Variants in MUC17 observed in about 807,000 individuals in gnomAD.
MUC17 encodes the protein mucin-17.
In MUC17, 190 loss-of-function variants were observed where a neutral mutation model predicts 170.3. The ratio of observed to expected loss-of-function variants is 1.12; its 90% confidence interval spans 0.99 to 1.26. The LOEUF is 1.26. Among genes scored for constraint, MUC17 ranks in the 50% most tolerant of loss-of-function variants. The pLI is 0.00. For missense variants in MUC17, 6,415 were observed against 5,530.0 expected (o/e 1.16, Z -5.08); for synonymous variants, 2,325 against 2,002.5 (o/e 1.16, Z -4.30).
intron 3 of MUC17, among the ~76,000 whole-genome samples, chr7:101,047,617 G>C (rs1417805920): frequency 6.6e-6 from 1 of 152,110 alleles, no homozygotes; most frequent in African/African-American, 2.4e-5. Flanking sequence ...ATCACCTGAG[G>C]TCAGGAGTTT....
At chr7:101,052,500 G>A (rs897382437) in intron 9 of MUC17, among the ~76,000 whole-genome samples, 1 of 152,176 alleles carries the variant, frequency 6.6e-6, no homozygotes, top group African/African-American at 2.4e-5. Context: ...CCTGGAAGAG[G>A]GGGTCACAAG....
rs1395693681 is a variant in MUC17 at position 101,038,476 on chromosome 7, G to T, written c.7060G>T (p.Glu2354Ter). 1.9e-6 allele frequency: 3 copies of T among 1,604,156 alleles called. No individual in the cohort carries two copies. The East Asian group carries it at 6.9e-5, about 37-fold the overall frequency. The change falls in exon 3 of 13, where the codon GAA (glutamate) becomes TAA (stop). Residue 2354 changes from glutamate (E) to a stop codon, truncating the protein, a stop_gained. Transcript: ENST00000306151. LOFTEE classifies it high-confidence loss of function. ...CAGCACCACAATGGTGGCCAGTTTT[G>T]AAACAAGCACACTTTCTACAACTCC... ...PVSTTMVASFETSTLSTTPAD... is the reference protein window; with the variant it reads ...PVSTTMVASF
chr7:101,039,226 C>T lies in MUC17; in HGVS notation c.7810C>T (p.Pro2604Ser). ...LSTTPVDTSI[P>S]VTTSTETSSS... ...AACAACTCCTGTTGACACCAGCATA[C>T]CTGTCACCACTTCTACTGAAACCAG... The change falls in exon 3 of 13, where the codon CCT becomes TCT. Residue 2604 changes from proline (P) to serine (S), a missense_variant. Coordinates refer to ENST00000306151, the MANE Select transcript of MUC17 (RefSeq NM_001040105.2). 6.2e-7 allele frequency: 1 copy of T among 1,613,632 alleles called. No homozygotes were observed. Among genetic ancestry groups the T allele is most frequent in the African/African-American group, 1.3e-5 (1 of 75,006 alleles).
chr7:101,050,683 G>T, intron 7 of MUC17, 48 bp downstream of exon 7: 1 of 1,592,110 alleles, frequency 6.3e-7, no homozygotes, highest in Non-Finnish European at 8.5e-7. Flanking sequence ...ATCAGAGCTG[G>T]GGCATGACTT....
chr7:101,037,467 C>A lies in MUC17; in HGVS notation c.6051C>A (p.Thr2017=). ...TTPVDTSTPA[T]TSTEGSSSPT... is the part of the protein sequence containing the mutation. Reference sequence around the variant, plus strand: ...CTGTTGACACCAGCACTCCTGCCACCACTTCTACTGAAGGCAGTTCATCTC... The same window carrying A: ...CTGTTGACACCAGCACTCCTGCCACAACTTCTACTGAAGGCAGTTCATCTC... The change falls in exon 3 of 13, where the codon ACC becomes ACA. Residue 2017 remains threonine (T), a synonymous_variant. Transcript: ENST00000306151. 6.2e-7 allele frequency: 1 copy of A among 1,612,076 alleles called. No individual in the cohort carries two copies. Among genetic ancestry groups the A allele is most frequent in the Non-Finnish European group, 8.5e-7 (1 of 1,178,876 alleles).
intron 9 of MUC17, 137 bp from the exon 10 acceptor site, chr7:101,052,849 G>A (rs994376314): frequency 3.2e-5 from 30 of 944,222 alleles, no homozygotes; most frequent in Middle Eastern, 3.4e-4. Context: ...TCATCCCCTC[G>A]GGGTGCCTTG....
In MUC17 at chr7:101,034,333, A is replaced by G; in HGVS notation, c.2917A>G (p.Ile973Val). Residue 973 changes from isoleucine (I) to valine (V), a missense_variant, in exon 3 of 13, where the codon ATA becomes GTA. Ile to Val is a conservative substitution (Grantham distance 29). Transcript: ENST00000306151. ...TCCTACAACTGCTGAAGGTACCAGC[A>G]TACCAACCTCGACTCCTAGTGAAGG... The part of the protein sequence containing the change: ...SSPTTAEGTS[I>V]PTSTPSEGTT... 6 of 1,608,840 alleles carry G rather than the reference A, an allele frequency of 3.7e-6. No homozygotes were observed. Among genetic ancestry groups the G allele is most frequent in the African/African-American group, 1.3e-5 (1 of 74,634 alleles).
In MUC17 at chr7:101,032,807, T is replaced by G; in HGVS notation, c.1391T>G (p.Val464Gly). Reference sequence around the variant, plus strand: ...AGTATGCCTGTCAGCACCACTCCAGTGGCCAGTTCTGAGGCTAGCAACCTT... The same window carrying G: ...AGTATGCCTGTCAGCACCACTCCAGGGGCCAGTTCTGAGGCTAGCAACCTT... ...LTSMPVSTTP[V>G]ASSEASNLST... The change falls in exon 3 of 13, where the codon GTG becomes GGG. Residue 464 changes from valine to glycine, a missense_variant. Coordinates refer to ENST00000306151, the MANE Select transcript of MUC17 (RefSeq NM_001040105.2). 6.2e-7 allele frequency: 1 copy of G among 1,613,948 alleles called. No individual in the cohort carries two copies. The highest frequency in any genetic ancestry group is 8.5e-7 in the Non-Finnish European group (1 of 1,179,990).
chr7:101,052,075 AGCGTCTCC>A, intron 9 of MUC17, 113 bp downstream of exon 9: 4 of 1,270,914 alleles, frequency 3.1e-6, no homozygotes, highest in Non-Finnish European at 4.4e-6. Flanking sequence ...ACTAGGTCCC[AGCGTCTCC>A]TGAATGTGTC....
chr7:101,053,153 C>G lies in MUC17; in HGVS notation c.13265+6C>G, dbSNP rs777131911. The G allele has an allele frequency of 1.1e-5, 17 of 1,611,212 alleles. 1 individual carries two copies. In the South Asian group the frequency reaches 1.9e-4, roughly 18 times the overall value. On this transcript the variant is annotated splice_donor_region_variant and intron_variant, in intron 10 of 12. Coordinates refer to ENST00000306151, the MANE Select transcript of MUC17 (RefSeq NM_001040105.2). ...TCCAAGAGAGAGGTGAAACGGTGAG[C>G]GAGCCCCTACCACCTCCTCTTCCAA... is the stretch of plus-strand genomic sequence containing the variant.
At chr7:101,049,021 CAG>C (rs1471215940) in intron 5 of MUC17, 49 bp downstream of exon 5, 2 of 1,612,888 alleles carry the variant, frequency 1.2e-6, no homozygotes, top group Non-Finnish European at 8.5e-7. Context: ...CCCCCCAGAG[CAG>C]AGTCTGTAGG....
Position 101,034,021 on chromosome 7 carries a change from A to G in MUC17, c.2605A>G (p.Ser869Gly), listed in dbSNP as rs541267676. Residue 869 changes from serine to glycine, a missense_variant, in exon 3 of 13, where the codon AGT (serine) becomes GGT (glycine). Transcript: ENST00000306151. ...TYSEGRTPLT[S>G]MPVSTTLVAT... The stretch of plus-strand genomic sequence containing the variant: ...TAGTGAAGGAAGAACTCCTTTAACA[A>G]GTATGCCTGTCAGCACCACACTGGT... The G allele has an allele frequency of 6.2e-6, 10 of 1,602,628 alleles. No individual in the cohort carries two copies. The East Asian group carries it at 1.8e-4, about 29-fold the overall frequency.
At chr7:101,053,616 T>A (rs914821641) in intron 11 of MUC17, 180 bp downstream of exon 11, 7 of 492,514 alleles carry the variant, frequency 1.4e-5, no homozygotes, top group Non-Finnish European at 2.5e-5. Context: ...TAAAAAAAAA[T>A]AAAAAATAAA....
At position 101,043,327 on chromosome 7, in the gene MUC17, C is replaced by T. The variant is rs749404252; in HGVS notation, c.11911C>T (p.Leu3971=). The T allele has an allele frequency of 6.2e-7, 1 of 1,614,168 alleles. No homozygotes were observed. Among genetic ancestry groups the T allele is most frequent in the South Asian group, 1.1e-5 (1 of 91,082 alleles). ...TACCCCTGTGATAACTTCCACTGAA[C>T]TAAACACACCATCAACCTCCAGTAG... ...VSTPVITSTE[L]NTPSTSSSST... The change falls in exon 3 of 13, where the codon CTA becomes TTA. Residue 3971 remains leucine (L), a synonymous_variant. Transcript: ENST00000306151.
rs778173425 is a variant in MUC17, at chr7:101,043,430, T to C, written c.12014T>C (p.Val4005Ala). 1 of 1,614,130 alleles carries C rather than the reference T, an allele frequency of 6.2e-7. No homozygotes were observed. The highest frequency in any genetic ancestry group is 8.5e-7 in the Non-Finnish European group (1 of 1,180,028). ...AMTTAAPLTYVTMSTAPSTPR... is the reference protein window; with the variant it reads ...AMTTAAPLTYATMSTAPSTPR... ...ACTACTGCAGCTCCCCTCACATATGTGACCATGTCTACTGCCCCCAGCACA... is the reference window on the plus strand; with the variant it reads ...ACTACTGCAGCTCCCCTCACATATGCGACCATGTCTACTGCCCCCAGCACA... The change falls in exon 3 of 13, where the codon GTG becomes GCG. Residue 4005 changes from valine to alanine, a missense_variant. Coordinates refer to ENST00000306151, the MANE Select transcript of MUC17 (RefSeq NM_001040105.2).
chr7:101,048,593 CA>C (rs547211487), intron 4 of MUC17, among the ~76,000 whole-genome samples: 1 of 124,568 alleles, frequency 8.0e-6, no homozygotes, highest in Non-Finnish European at 1.7e-5. Context: ...AATACCCTGT[CA>C]AAAAAAAGAA....
At position 101,048,987 on chromosome 7, in the gene MUC17, G is replaced by A; in HGVS notation, c.12663+15G>A. The A allele has an allele frequency of 6.2e-7, 1 of 1,614,132 alleles. No individual in the cohort carries two copies. The highest frequency in any genetic ancestry group is 2.2e-5 in the East Asian group (1 of 44,874). On this transcript the variant is annotated intron_variant, in intron 5 of 12. Coordinates refer to ENST00000306151, the MANE Select transcript of MUC17 (RefSeq NM_001040105.2). The stretch of plus-strand genomic sequence containing the variant: ...TCACGGAACAGGTAAGTCTGGGAGA[G>A]CAAGGCCCCATAGCTACTCAGTTCC...
chr7:101,037,186 G>T lies in MUC17; in HGVS notation c.5770G>T (p.Gly1924Ter). The change falls in exon 3 of 13, where the codon GGA becomes TGA. Residue 1924 changes from glycine (G) to a stop codon, truncating the protein, a stop_gained. Transcript: ENST00000306151. LOFTEE classifies it high-confidence loss of function. ...SSMPTSTPRE[G>*]RPPLTSIPVS... Reference sequence around the variant, plus strand: ...CATGCCAACCTCAACTCCTAGGGAAGGAAGGCCTCCATTAACAAGTATACC... The same window carrying T: ...CATGCCAACCTCAACTCCTAGGGAATGAAGGCCTCCATTAACAAGTATACC... 6.2e-7 allele frequency: 1 copy of T among 1,612,744 alleles called. No homozygotes were observed. Among genetic ancestry groups the T allele is most frequent in the Non-Finnish European group, 8.5e-7 (1 of 1,179,656 alleles).
chr7:101,041,724 C>T lies in MUC17; in HGVS notation c.10308C>T (p.Ala3436=). 2 of 1,613,854 alleles carry T rather than the reference C, an allele frequency of 1.2e-6. No homozygotes were observed. The highest frequency in any genetic ancestry group is 3.3e-4 in the Middle Eastern group (2 of 6,058). The change falls in exon 3 of 13, where the codon GCC becomes GCT. Residue 3436 remains alanine (A), a synonymous_variant. Transcript: ENST00000306151. ...SNTLVTTSTE[A]SSSPTIAEGT... ...CTCTGGTGACCACTTCTACTGAAGC[C>T]AGTTCATCTCCTACAATCGCTGAAG...
Sources: gnomAD v4.1 joint callset for allele counts (sites outside exome capture counted in the v4.1 genomes callset) on GRCh38, gnomAD v4.1.1 for gene constraint, MANE v1.5 for transcripts, NCBI Gene and HGNC (gene_info 2026-07-23, HGNC 2026-07-21) for gene names.